NRXN3: variants seen among roughly 807,000 people sequenced by gnomAD.
NRXN3 encodes the protein neurexin 3.
In NRXN3, 32 loss-of-function variants were observed where a neutral mutation model predicts 137.6. The observed-to-expected ratio is 0.23, with a 90% confidence interval of 0.18 to 0.31. The LOEUF is 0.31. Among genes scored for constraint, NRXN3 ranks in the 10% least tolerant of loss-of-function variants. The pLI is 1.00. For synonymous variants in NRXN3, 798 were observed against 784.5 expected, an observed-to-expected ratio of 1.02 and a Z score of -0.29; for missense variants, 1,574 against 2,062.5, an observed-to-expected ratio of 0.76 and a Z score of 4.59.
intron 8 of NRXN3, among the ~76,000 whole-genome samples, chr14:78,772,602 A>G (rs2098731994): frequency 6.6e-6 from 1 of 152,216 alleles, no homozygotes; most frequent in South Asian, 2.1e-4. Context: ...AACAGATCAG[A>G]GTTAGGTCAA....
intron 10 of NRXN3, among the ~76,000 whole-genome samples, chr14:78,956,927 A>C (rs1187739284): frequency 1.3e-5 from 2 of 152,234 alleles, no homozygotes; most frequent in Non-Finnish European, 2.9e-5. Flanking sequence ...TTGAGAGATT[A>C]ATGACTGCTA....
intron 4 of NRXN3, among the ~76,000 whole-genome samples, chr14:78,422,887 T>C (rs1567547759): frequency 6.6e-6 from 1 of 152,210 alleles, no homozygotes; most frequent in Non-Finnish European, 1.5e-5. Flanking sequence ...AACCCAGGGC[T>C]AATCCTCCCC....
At chr14:79,495,977 A>G (rs1433467597) in intron 16 of NRXN3, among the ~76,000 whole-genome samples, 2 of 151,958 alleles carry the variant, frequency 1.3e-5, no homozygotes, top group Non-Finnish European at 2.9e-5. Context: ...CAAAAAAACA[A>G]AAAATCCAGT....
intron 15 of NRXN3, among the ~76,000 whole-genome samples, chr14:79,307,984 T>G (rs1337301395): frequency 2.0e-5 from 3 of 152,050 alleles, no homozygotes; most frequent in Non-Finnish European, 4.4e-5. Flanking sequence ...GCCTCTGTCT[T>G]TGGTTTATAA....
At chr14:78,808,292 G>A (rs1270047902) in intron 9 of NRXN3, among the ~76,000 whole-genome samples, 1 of 152,166 alleles carries the variant, frequency 6.6e-6, no homozygotes, top group East Asian at 1.9e-4. Context: ...CCAGAAAGAT[G>A]AGCCCAAGCC....
At chr14:78,619,681 C>A (rs895549716) in intron 4 of NRXN3, among the ~76,000 whole-genome samples, 1 of 151,914 alleles carries the variant, frequency 6.6e-6, no homozygotes, top group South Asian at 2.1e-4. Flanking sequence ...TCCTTCCTGG[C>A]GCCTTGCAAA....
chr14:78,279,651 C>T (rs1372230712), intron 3 of NRXN3: 2 of 152,074 alleles, frequency 1.3e-5, no homozygotes, highest in African/African-American at 4.8e-5. Flanking sequence ...TAGAGCTTGT[C>T]AGTGGTAGCA....
intron 1 of NRXN3, among the ~76,000 whole-genome samples, chr14:78,234,564 C>T (rs534466023): frequency 5.9e-5 from 9 of 152,258 alleles, no homozygotes; most frequent in African/African-American, 9.6e-5. Flanking sequence ...TACATTATCC[C>T]GCCTGCATGA....
At chr14:78,933,150 A>G (rs753161285) in intron 10 of NRXN3, among the ~76,000 whole-genome samples, 15 of 152,316 alleles carry the variant, frequency 9.8e-5, no homozygotes, top group South Asian at 8.3e-4. Flanking sequence ...CTCCAACACT[A>G]GATTGTGTGT....
At chr14:78,417,008 G>C (rs2093176105) in intron 4 of NRXN3, among the ~76,000 whole-genome samples, 1 of 152,142 alleles carries the variant, frequency 6.6e-6, no homozygotes, top group Non-Finnish European at 1.5e-5. Flanking sequence ...CCTTATCTGG[G>C]CTCCTGCTGT....
chr14:79,230,706 T>G (rs2072017041), intron 15 of NRXN3, among the ~76,000 whole-genome samples: 1 of 152,194 alleles, frequency 6.6e-6, no homozygotes. Flanking sequence ...TCTTTGTGAT[T>G]CTCTCTTCTG....
intron 10 of NRXN3, among the ~76,000 whole-genome samples, chr14:78,903,147 C>CTTTTTTTTTTT (rs965920523): frequency 2.5e-4 from 30 of 121,476 alleles, no homozygotes; most frequent in East Asian, 7.7e-4. Context: ...GTTTCATCTT[C>CTTTTTTTTTTT]TTTTTTTTTT....
intron 4 of NRXN3, among the ~76,000 whole-genome samples, chr14:78,301,176 C>T (rs1263457089): frequency 6.6e-6 from 1 of 151,758 alleles, no homozygotes; most frequent in Non-Finnish European, 1.5e-5. Flanking sequence ...TTATTTATTT[C>T]TCTTTTTTTC....
intron 4 of NRXN3, among the ~76,000 whole-genome samples, chr14:78,619,922 G>C (rs1057190339): frequency 2.0e-5 from 3 of 152,102 alleles, no homozygotes; most frequent in Admixed American, 2.0e-4. Context: ...GAAGAAGATG[G>C]CCATCTACAA....
At chr14:78,646,871 A>G (rs1478036306) in intron 5 of NRXN3, among the ~76,000 whole-genome samples, 1 of 152,208 alleles carries the variant, frequency 6.6e-6, no homozygotes, top group African/African-American at 2.4e-5. Flanking sequence ...AGAGAACCCA[A>G]ATCAAATATC....
intron 15 of NRXN3, among the ~76,000 whole-genome samples, chr14:79,133,926 C>T (rs957045401): frequency 8.1e-6 from 1 of 122,992 alleles, no homozygotes; most frequent in African/African-American, 3.1e-5. Context: ...AAGATTCCAT[C>T]TCAAAAAAAA....
intron 16 of NRXN3, among the ~76,000 whole-genome samples, chr14:79,477,228 C>T (rs1214971554): frequency 1.3e-5 from 2 of 151,804 alleles, no homozygotes; most frequent in African/African-American, 4.8e-5. Context: ...AAAGGAAATA[C>T]AGGATGTGTT....
At chr14:78,785,617 G>C (rs189263646) in intron 8 of NRXN3, among the ~76,000 whole-genome samples, 1 of 152,306 alleles carries the variant, frequency 6.6e-6, no homozygotes, top group Non-Finnish European at 1.5e-5. Context: ...CTGACAAGAA[G>C]TGTTTATGAC....
intron 3 of NRXN3, among the ~76,000 whole-genome samples, chr14:78,279,326 G>A (rs2074071299): frequency 6.6e-6 from 1 of 152,212 alleles, no homozygotes; most frequent in African/African-American, 2.4e-5. Context: ...AGCATTGCGT[G>A]TGTATAGACA....
Sources: gnomAD v4.1 joint callset for allele counts (sites outside exome capture counted in the v4.1 genomes callset) on GRCh38, gnomAD v4.1.1 for gene constraint, MANE v1.5 for transcripts, NCBI Gene and HGNC (gene_info 2026-07-23, HGNC 2026-07-21) for gene names.